TSPAN33: variants seen among roughly 807,000 people sequenced by gnomAD.
TSPAN33 encodes the protein tetraspanin 33.
A neutral mutation model predicts 34.8 loss-of-function variants in TSPAN33; 27 were observed. The ratio of observed to expected loss-of-function variants is 0.78; its 90% CI spans 0.57 to 1.07. The LOEUF (loss-of-function observed/expected upper bound fraction) is 1.07. Ranked by LOEUF, TSPAN33 falls within the 50% of genes least tolerant of loss-of-function variation. TSPAN33 has a pLI of 0.00. For synonymous variants in TSPAN33, 119 were observed against 124.2 expected (o/e 0.96, Z 0.28); for missense variants, 272 against 324.9 (o/e 0.84, Z 1.25).
rs553549182 is a variant in TSPAN33 at position 129,148,939 on chromosome 7, G to A, written c.102+3857G>A. ...TCAAAAACCATGAGGAAGTAACCAG[G>A]CATCAAGCCAGGCAAAAACCTCTTC... On this transcript the variant is annotated intron_variant, in intron 1 of 7. Coordinates refer to ENST00000486685, the MANE Select transcript of TSPAN33 (RefSeq NM_178562.5). The surrounding 1 kb of genome is among the most constrained non-coding windows in gnomAD (Gnocchi z 4.2). Among the ~76,000 whole-genome samples the A allele has an allele frequency of 6.6e-6, 1 of 152,122 alleles. No individual in the cohort carries two copies. Among genetic ancestry groups the A allele is most frequent in the South Asian group, 2.1e-4 (1 of 4,808 alleles).
At chr7:129,147,443 G>A (rs1432070415) in intron 1 of TSPAN33, among the ~76,000 whole-genome samples, 3 of 152,134 alleles carry the variant, frequency 2.0e-5, no homozygotes, top group African/African-American at 7.2e-5. Flanking sequence ...GTTATTGAAT[G>A]TCCCTTCTCC....
intron 1 of TSPAN33, among the ~76,000 whole-genome samples, chr7:129,153,254 A>T (rs1435316157): frequency 6.6e-6 from 1 of 151,892 alleles, no homozygotes; most frequent in Non-Finnish European, 1.5e-5. Flanking sequence ...GGGAATGGGG[A>T]GTGATGGTTT....
intron 1 of TSPAN33, among the ~76,000 whole-genome samples, chr7:129,147,980 T>C (rs973569069): frequency 6.6e-6 from 1 of 152,206 alleles, no homozygotes; most frequent in Admixed American, 6.5e-5. Context: ...GGTTACTGAC[T>C]GTGGGGATTC....
chr7:129,159,316 A>G (rs765415954), intron 1 of TSPAN33, among the ~76,000 whole-genome samples: 3 of 152,144 alleles, frequency 2.0e-5, no homozygotes, highest in Non-Finnish European at 4.4e-5. Context: ...GCTTTGGCCT[A>G]AGTGCTGGGA....
chr7:129,146,343 G>A (rs1306266346), intron 1 of TSPAN33, among the ~76,000 whole-genome samples: 1 of 152,186 alleles, frequency 6.6e-6, no homozygotes, highest in Non-Finnish European at 1.5e-5. Context: ...TGGGGAAAAT[G>A]AAACTTGTGC....
At chr7:129,162,798 G>T in intron 3 of TSPAN33, 35 bp from the exon 4 acceptor site, 1 of 1,609,498 alleles carries the variant, frequency 6.2e-7, no homozygotes, top group South Asian at 1.1e-5. Context: ...TGCCATGAGT[G>T]GTCCTAGACG....
At chr7:129,158,445 A>G (rs1453242852) in intron 1 of TSPAN33, among the ~76,000 whole-genome samples, 6 of 152,170 alleles carry the variant, frequency 3.9e-5, no homozygotes, top group African/African-American at 1.4e-4. Flanking sequence ...TCAGAGGTAC[A>G]TGTGCAGGTT....
intron 1 of TSPAN33, among the ~76,000 whole-genome samples, chr7:129,160,522 G>T (rs1404473161): frequency 6.6e-6 from 1 of 152,206 alleles, no homozygotes; most frequent in African/African-American, 2.4e-5. Flanking sequence ...GGGTAGATAA[G>T]GCCTCTTTGG....
At chr7:129,158,746 ATTTTC>A (rs1448988800) in intron 1 of TSPAN33, among the ~76,000 whole-genome samples, 36 of 151,906 alleles carry the variant, frequency 2.4e-4, no homozygotes, top group Admixed American at 2.3e-3. Context: ...TATGTACCAC[ATTTTC>A]TTTTCTTTTT....
At chr7:129,158,602 A>C (rs1424337028) in intron 1 of TSPAN33, among the ~76,000 whole-genome samples, 3 of 152,202 alleles carry the variant, frequency 2.0e-5, no homozygotes, top group Non-Finnish European at 4.4e-5. Flanking sequence ...CCCACTTACA[A>C]GTGAGAACAC....
At chr7:129,145,317 G>A (rs1297914141) in intron 1 of TSPAN33, among the ~76,000 whole-genome samples, 1 of 152,124 alleles carries the variant, frequency 6.6e-6, no homozygotes, top group Admixed American at 6.5e-5. Flanking sequence ...TCGGGGCGTC[G>A]GAGGAGGGTC....
At chr7:129,157,301 G>T (rs1169307182) in intron 1 of TSPAN33, among the ~76,000 whole-genome samples, 1 of 152,094 alleles carries the variant, frequency 6.6e-6, no homozygotes, top group Non-Finnish European at 1.5e-5. Flanking sequence ...CTCCAAACGT[G>T]ATGCTATGAA....
Position 129,167,664 on chromosome 7 carries a change from G to C in TSPAN33, c.750+104G>C. 6.4e-7 allele frequency: 1 copy of C among 1,554,532 alleles called. No homozygotes were observed. Among genetic ancestry groups the C allele is most frequent in the Non-Finnish European group, 8.8e-7 (1 of 1,134,088 alleles). On this transcript the variant is annotated intron_variant, in intron 7 of 7. Transcript: ENST00000486685. This position sits in a 1 kb window ranked among gnomAD's most constrained non-coding sequence, Gnocchi z 4.6. ...AGCGAGGGTGTCAGGCACTGACATGGCTGAGGGGTAGGGAAAGGGATAGTG... is the reference window on the plus strand; with the variant it reads ...AGCGAGGGTGTCAGGCACTGACATGCCTGAGGGGTAGGGAAAGGGATAGTG...
intron 5 of TSPAN33, 73 bp downstream of exon 5, chr7:129,164,642 A>C (rs913828987): frequency 1.5e-6 from 2 of 1,371,454 alleles, no homozygotes; most frequent in Non-Finnish European, 2.1e-6. Flanking sequence ...CTCACCCTCT[A>C]TGCCTGTGGG....
In TSPAN33 at chr7:129,166,879, C is replaced by T. The variant is rs1314066909; in HGVS notation, c.561C>T (p.Tyr187=). 6.2e-7 allele frequency: 1 copy of T among 1,613,980 alleles called. No individual in the cohort carries two copies. Among genetic ancestry groups the T allele is most frequent in the Non-Finnish European group, 8.5e-7 (1 of 1,179,956 alleles). The stretch of plus-strand genomic sequence containing the variant: ...GTCGAGAGCGCTGCTCTGTGCCTTA[C>T]TCCTGTTGCTTGCCTACTCCTGACC... The part of the protein sequence containing the change: ...NPSRERCSVP[Y]SCCLPTPDQA... Residue 187 remains tyrosine, a synonymous_variant, in exon 6 of 8, where the codon TAC becomes TAT. Coordinates refer to ENST00000486685, the MANE Select transcript of TSPAN33 (RefSeq NM_178562.5).
chr7:129,166,978 C>T, intron 6 of TSPAN33, 72 bp downstream of exon 6: 1 of 1,541,266 alleles, frequency 6.5e-7, no homozygotes. Context: ...GCAGCTGCTA[C>T]TGGGGATCCC....
intron 2 of TSPAN33, 127 bp downstream of exon 2, chr7:129,161,863 T>G: frequency 1.7e-6 from 2 of 1,179,888 alleles, no homozygotes; most frequent in Non-Finnish European, 2.5e-6. Context: ...AGCCAAATCT[T>G]CATGGTCTAC....
intron 1 of TSPAN33, among the ~76,000 whole-genome samples, chr7:129,147,298 C>A (rs11767848): frequency 0.18 from 26,696 of 152,162 alleles, 2,772 homozygotes; most frequent in Admixed American, 0.24. Flanking sequence ...GAAACAATTT[C>A]TGCCTCAGTG....
chr7:129,156,778 C>T (rs2703094), intron 1 of TSPAN33, among the ~76,000 whole-genome samples: 147,905 of 152,242 alleles, frequency 0.97, 71,973 homozygotes, highest in East Asian at 1. Flanking sequence ...AGGCTCATCT[C>T]GTGCCTTTCC....
Sources: allele counts gnomAD v4.1 joint callset (sites outside exome capture counted in the v4.1 genomes callset), GRCh38; gene constraint gnomAD v4.1.1; non-coding constraint Gnocchi (gnomAD v3.1); transcripts MANE v1.5; gene names NCBI Gene and HGNC (gene_info 2026-07-23, HGNC 2026-07-21).